Variants in RYR2 observed in about 807,000 individuals in gnomAD.
The protein encoded by RYR2 is cardiac muscle ryanodine receptor-calcium release channel.
RYR2 carries 227 observed loss-of-function variants against 601.1 expected under a neutral mutation model. The ratio of observed to expected loss-of-function variants is 0.38; its 90% CI spans 0.34 to 0.42. The LOEUF (loss-of-function observed/expected upper bound fraction) is 0.42. Ranked by LOEUF, RYR2 falls within the 10% of genes least tolerant of loss-of-function variation. The pLI is 1.00. For synonymous variants in RYR2, 2,223 were observed against 2,175.1 expected, an observed-to-expected ratio of 1.02 and a Z score of -0.61; for missense variants, 4,646 against 6,156.5, an observed-to-expected ratio of 0.75 and a Z score of 8.21.
In RYR2 at chr1:237,355,948, G is replaced by T. The variant is rs1223313276; in HGVS notation, c.274-17G>T. On this transcript the variant is annotated splice_polypyrimidine_tract_variant and intron_variant, in intron 3 of 104. Transcript: ENST00000366574. ...ATTTGTTTGTTTGTTATTTATTTTG[G>T]CTTTTTCTTTCCACAGCAAGTTGAT... The T allele has an allele frequency of 6.3e-7, 1 of 1,594,410 alleles. No individual in the cohort carries two copies.
intron 29 of RYR2, among the ~76,000 whole-genome samples, chr1:237,575,865 C>A (rs1323017453): frequency 3.3e-5 from 5 of 152,030 alleles, no homozygotes; most frequent in Non-Finnish European, 2.9e-5. Flanking sequence ...CATTCGAAGA[C>A]AATATAAGTA....
chr1:237,645,398 G>C (rs1476608861), intron 48 of RYR2, among the ~76,000 whole-genome samples: 1 of 152,120 alleles, frequency 6.6e-6, no homozygotes, highest in African/African-American at 2.4e-5. Context: ...TGCTGTCTCT[G>C]TACCTCTCTT....
At chr1:237,148,563 C>CACAT (rs1260701401) in intron 1 of RYR2, among the ~76,000 whole-genome samples, 942 of 82,308 alleles carry the variant, frequency 0.011, 13 homozygotes, top group African/African-American at 0.03. Context: ...TACACACACA[C>CACAT]ATATATATAT....
chr1:237,644,896 G>A (rs1342417854), intron 48 of RYR2, among the ~76,000 whole-genome samples: 2 of 152,068 alleles, frequency 1.3e-5, no homozygotes. Flanking sequence ...AACAAGCATG[G>A]TGGTGGGCAT....
intron 12 of RYR2, among the ~76,000 whole-genome samples, chr1:237,439,542 G>A (rs1195929126): frequency 1.3e-5 from 2 of 151,962 alleles, no homozygotes; most frequent in Non-Finnish European, 2.9e-5. Flanking sequence ...TACTCGGGAG[G>A]CTGAGACAGC....
At chr1:237,048,755 G>T (rs775315590) in intron 1 of RYR2, among the ~76,000 whole-genome samples, 1 of 152,164 alleles carries the variant, frequency 6.6e-6, no homozygotes, top group Admixed American at 6.5e-5. Context: ...GGTGAGTTGG[G>T]ACCGTGTTGG....
chr1:237,678,475 C>CT (rs1332058350), intron 61 of RYR2, among the ~76,000 whole-genome samples: 1 of 152,070 alleles, frequency 6.6e-6, no homozygotes, highest in African/African-American at 2.4e-5. Flanking sequence ...ATAGGAAAGT[C>CT]TGAGTTAATT....
intron 58 of RYR2, among the ~76,000 whole-genome samples, chr1:237,670,074 G>A (rs1684771901): frequency 1.3e-5 from 2 of 152,180 alleles, no homozygotes; most frequent in African/African-American, 2.4e-5. Flanking sequence ...ATCACTTGCG[G>A]TTAGGGGCTG....
chr1:237,679,921 C>G (rs1376419059), intron 61 of RYR2, among the ~76,000 whole-genome samples: 1 of 152,090 alleles, frequency 6.6e-6, no homozygotes, highest in African/African-American at 2.4e-5. Context: ...CCAAGGCCAG[C>G]AGGATGAAAC....
chr1:237,173,649 G>A (rs1007732993), intron 1 of RYR2, among the ~76,000 whole-genome samples: 26 of 152,262 alleles, frequency 1.7e-4, no homozygotes, highest in African/African-American at 4.3e-4. Flanking sequence ...TCTACACACC[G>A]CAAATACCTG....
intron 17 of RYR2, among the ~76,000 whole-genome samples, chr1:237,474,397 C>G (rs898472074): frequency 2.6e-5 from 4 of 151,734 alleles, no homozygotes; most frequent in African/African-American, 9.7e-5. Context: ...TTGGTTTTAC[C>G]TCAAGCCTTT....
At chr1:237,653,346 C>T (rs1383026397) in intron 51 of RYR2, among the ~76,000 whole-genome samples, 1 of 152,150 alleles carries the variant, frequency 6.6e-6, no homozygotes, top group Non-Finnish European at 1.5e-5. Flanking sequence ...CTTTATTGTG[C>T]TTCTGGGTCA....
At chr1:237,660,408 G>A (rs1332762342) in intron 55 of RYR2, among the ~76,000 whole-genome samples, 1 of 151,828 alleles carries the variant, frequency 6.6e-6, no homozygotes, top group Non-Finnish European at 1.5e-5. Context: ...GTAATAATGT[G>A]CTTATTATGT....
chr1:237,469,716 A>G (rs887090523), intron 17 of RYR2, among the ~76,000 whole-genome samples: 5 of 152,178 alleles, frequency 3.3e-5, no homozygotes, highest in African/African-American at 1.2e-4. Context: ...TTGTATTCAA[A>G]AGATTATTTG....
chr1:237,069,450 A>C (rs1158083001), intron 1 of RYR2, among the ~76,000 whole-genome samples: 2 of 152,140 alleles, frequency 1.3e-5, no homozygotes, highest in East Asian at 3.8e-4. Context: ...TTATACAGTG[A>C]GTACAGAGAG....
chr1:237,623,123 T>A (rs920203728), intron 38 of RYR2, among the ~76,000 whole-genome samples: 11 of 152,218 alleles, frequency 7.2e-5, no homozygotes, highest in African/African-American at 2.7e-4. Flanking sequence ...TTTTTAAAAA[T>A]AGCATTTAGA....
At chr1:237,155,825 C>G (rs1358814198) in intron 1 of RYR2, among the ~76,000 whole-genome samples, 3 of 152,154 alleles carry the variant, frequency 2.0e-5, no homozygotes, top group Admixed American at 1.3e-4. Flanking sequence ...TTTACCATCA[C>G]CATGGCATTG....
intron 98 of RYR2, chr1:237,802,161 A>C: frequency 3.1e-6 from 1 of 319,012 alleles, no homozygotes; most frequent in Non-Finnish European, 5.7e-6. Flanking sequence ...ATTTGTGAGT[A>C]CGTTCATTAA....
Position 237,655,894 on chromosome 1 carries a change from A to G in RYR2, c.8039A>G (p.Tyr2680Cys), listed in dbSNP as rs2148823425. 6.2e-7 allele frequency: 1 copy of G among 1,611,546 alleles called. No homozygotes were observed. Among genetic ancestry groups the G allele is most frequent in the South Asian group, 1.1e-5 (1 of 90,574 alleles). ...SAVAGALPPD[Y>C]MESNYVSMME... ...GTTGCGGGAGCTTTGCCTCCAGACT[A>G]CATGGAGTCAAATTATGTCAGTATG... The change falls in exon 53 of 105, where the codon TAC (tyrosine) becomes TGC (cysteine). Residue 2680 changes from tyrosine to cysteine, a missense_variant. Tyr to Cys is a radical substitution (Grantham distance 194, BLOSUM62 -2). Transcript: ENST00000366574.
Sources: gnomAD v4.1 joint callset for allele counts (sites outside exome capture counted in the v4.1 genomes callset) on GRCh38, gnomAD v4.1.1 for gene constraint, MANE v1.5 for transcripts, NCBI Gene and HGNC (gene_info 2026-07-23, HGNC 2026-07-21) for gene names.